ADCY2: variants seen among roughly 807,000 people sequenced by gnomAD.
ADCY2 encodes the protein adenylate cyclase type 2.
ADCY2 carries 31 observed loss-of-function variants against 125.2 expected under a neutral mutation model. That is an observed-to-expected ratio of 0.25 (90% confidence interval 0.19 to 0.33). ADCY2 has a LOEUF of 0.33. ADCY2 is among the 10% of genes least tolerant of loss of function. ADCY2 has a pLI of 1.00. For synonymous variants in ADCY2, 512 were observed against 548.4 expected (o/e 0.93, Z 0.93); for missense variants, 904 against 1,418.2 (o/e 0.64, Z 5.82).
intron 2 of ADCY2, among the ~76,000 whole-genome samples, chr5:7,491,194 T>C (rs991682890): frequency 1.4e-4 from 21 of 152,224 alleles, no homozygotes; most frequent in African/African-American, 5.1e-4. Context: ...TTGAATTCTA[T>C]GATACTCAGG....
intron 11 of ADCY2, among the ~76,000 whole-genome samples, chr5:7,715,738 C>T (rs1741573178): frequency 1.3e-5 from 2 of 152,034 alleles, no homozygotes. Context: ...GGCCCGAAGG[C>T]ACAAATCCAC....
chr5:7,772,860 CCT>C lies in ADCY2; in HGVS notation c.2215-71_2215-70del, dbSNP rs1211318826. 2.7e-6 allele frequency: 4 copies of C among 1,469,382 alleles called. No homozygotes were observed. In the East Asian group the frequency reaches 6.9e-5, roughly 25 times the overall value. 91.0% of individuals were successfully genotyped at this position (1,469,382 alleles called of 1,614,324 possible). A position where few individuals can be genotyped will look rare whatever the true frequency, so the allele number is the denominator to read the frequency against. On this transcript the variant is annotated intron_variant, in intron 17 of 24. Transcript: ENST00000338316. ...GACCAGATGAGATGGGCGGTGGTCC[CCT>C]GATTGTAATTGTTTCAGCATTTCTC...
chr5:7,594,643 A>G (rs1579611057), intron 3 of ADCY2, among the ~76,000 whole-genome samples: 1 of 152,236 alleles, frequency 6.6e-6, no homozygotes, highest in East Asian at 1.9e-4. Flanking sequence ...GTCCCCAACC[A>G]AAACATAAAT....
At chr5:7,722,437 A>G (rs1225143660) in intron 12 of ADCY2, among the ~76,000 whole-genome samples, 1 of 152,164 alleles carries the variant, frequency 6.6e-6, no homozygotes, top group Non-Finnish European at 1.5e-5. Flanking sequence ...TTACCTGCAT[A>G]TATTATTCAT....
At chr5:7,791,900 T>G (rs1249379852) in intron 20 of ADCY2, among the ~76,000 whole-genome samples, 1 of 151,944 alleles carries the variant, frequency 6.6e-6, no homozygotes, top group Non-Finnish European at 1.5e-5. Flanking sequence ...GGAAGTGGCT[T>G]CTGAATCTGG....
At chr5:7,569,465 G>A (rs746309262) in intron 3 of ADCY2, among the ~76,000 whole-genome samples, 4 of 152,152 alleles carry the variant, frequency 2.6e-5, no homozygotes, top group Non-Finnish European at 4.4e-5. Flanking sequence ...TTTAAACAAT[G>A]TAAGGATATG....
chr5:7,430,401 A>G (rs1740545320), intron 2 of ADCY2, among the ~76,000 whole-genome samples: 1 of 151,872 alleles, frequency 6.6e-6, no homozygotes, highest in Admixed American at 6.6e-5. Context: ...AAGAAAGAAA[A>G]CTACAGACCA....
At chr5:7,520,442 A>G (rs1357505808) in intron 2 of ADCY2, among the ~76,000 whole-genome samples, 1 of 152,180 alleles carries the variant, frequency 6.6e-6, no homozygotes, top group Non-Finnish European at 1.5e-5. Flanking sequence ...TTCTAAAGCA[A>G]AGATACAGAA....
rs1040003369 is a variant in ADCY2, at chr5:7,497,736, GA to G, written c.409-22992del. 9.5e-5 allele frequency among the ~76,000 whole-genome samples: 14 copies of G among 147,880 alleles called. No homozygotes were observed. The East Asian group carries it at 9.8e-4, about 10-fold the overall frequency. On this transcript the variant is annotated intron_variant, in intron 2 of 24. Transcript: ENST00000338316. ...GGTGGAATTAGGAAGAAATTGCACC[GA>G]AAAAAAAAAGTTGCCTGAACTAAAC...
intron 3 of ADCY2, among the ~76,000 whole-genome samples, chr5:7,579,933 A>G (rs1184361268): frequency 6.6e-6 from 1 of 152,254 alleles, no homozygotes; most frequent in East Asian, 1.9e-4. Flanking sequence ...CCACAGAGCC[A>G]TAAACAAGAA....
chr5:7,620,762 C>G (rs1737926561), intron 3 of ADCY2, among the ~76,000 whole-genome samples: 1 of 152,158 alleles, frequency 6.6e-6, no homozygotes, highest in South Asian at 2.1e-4. Flanking sequence ...TTCATCATGT[C>G]CTTGTCTTCC....
intron 4 of ADCY2, among the ~76,000 whole-genome samples, chr5:7,655,842 C>T (rs1739303740): frequency 6.6e-6 from 1 of 152,218 alleles, no homozygotes; most frequent in African/African-American, 2.4e-5. Flanking sequence ...AAGCCCTCAC[C>T]CATCTGCATC....
chr5:7,460,365 A>G (rs1741871862), intron 2 of ADCY2, among the ~76,000 whole-genome samples: 1 of 152,144 alleles, frequency 6.6e-6, no homozygotes, highest in African/African-American at 2.4e-5. Flanking sequence ...AGTAGCTGGG[A>G]CTATAGGTCC....
intron 2 of ADCY2, among the ~76,000 whole-genome samples, chr5:7,425,732 C>T (rs1438860619): frequency 6.6e-6 from 1 of 152,188 alleles, no homozygotes; most frequent in Non-Finnish European, 1.5e-5. Flanking sequence ...AAGGCATTTG[C>T]CTGCCGGAGG....
intron 3 of ADCY2, among the ~76,000 whole-genome samples, chr5:7,543,605 CA>C (rs1292024842): frequency 1.3e-5 from 2 of 152,094 alleles, no homozygotes; most frequent in African/African-American, 2.4e-5. Context: ...AGAGTAATTG[CA>C]AAAACCACAA....
intron 14 of ADCY2, among the ~76,000 whole-genome samples, chr5:7,733,206 A>C (rs1376986417): frequency 6.6e-6 from 1 of 152,202 alleles, no homozygotes; most frequent in Non-Finnish European, 1.5e-5. Context: ...CTTAAGAAAA[A>C]ATAATAAACC....
chr5:7,643,273 CA>C (rs1738776272), intron 4 of ADCY2, among the ~76,000 whole-genome samples: 1 of 151,978 alleles, frequency 6.6e-6, no homozygotes. Context: ...TTAATTTTTT[CA>C]GCATGAATTT....
In ADCY2 at chr5:7,752,417, G is replaced by A. The variant is rs115712117; in HGVS notation, c.1957-5032G>A. Among the ~76,000 whole-genome samples, 1,319 of 151,812 alleles carry A rather than the reference G, an allele frequency of 8.7e-3. 9 individuals carry two copies. Among genetic ancestry groups the A allele is most frequent in the Non-Finnish European group, 0.011 (735 of 67,904 alleles). ...AAGCAAGATTTTTAAGATGGATTTCGTTTTTCTAATAATAAAAGTTTGCTT... is the reference window on the plus strand; with the variant it reads ...AAGCAAGATTTTTAAGATGGATTTCATTTTTCTAATAATAAAAGTTTGCTT... On this transcript the variant is annotated intron_variant, in intron 15 of 24. Transcript: ENST00000338316.
chr5:7,531,955 A>G (rs1034310219), intron 3 of ADCY2, among the ~76,000 whole-genome samples: 6 of 152,318 alleles, frequency 3.9e-5, no homozygotes, highest in African/African-American at 1.4e-4. Flanking sequence ...AGACTGTTCC[A>G]TGTATTCTTT....
Sources: gnomAD v4.1 joint callset for allele counts (sites outside exome capture counted in the v4.1 genomes callset) on GRCh38, gnomAD v4.1.1 for gene constraint, MANE v1.5 for transcripts, NCBI Gene and HGNC (gene_info 2026-07-23, HGNC 2026-07-21) for gene names.